NUBPL: variants seen among roughly 807,000 people sequenced by gnomAD.
NUBPL encodes iron-sulfur cluster transfer protein NUBPL.
Under a neutral mutation model 45.7 loss-of-function variants are expected in NUBPL, and 31 were observed. The observed-to-expected ratio is 0.68, with a 90% CI of 0.51 to 0.92. The LOEUF is 0.92. Ranked by LOEUF, NUBPL falls within the 40% of genes least tolerant of loss-of-function variation. The pLI, the probability that NUBPL is intolerant of heterozygous loss-of-function variation, is 0.00. For synonymous variants in NUBPL, 144 were observed against 140.9 expected (o/e 1.02, Z -0.15); for missense variants, 401 against 398.7 (o/e 1.01, Z -0.05).
chr14:31,760,918 A>C (rs2038794053), intron 6 of NUBPL, among the ~76,000 whole-genome samples: 1 of 151,944 alleles, frequency 6.6e-6, no homozygotes, highest in Non-Finnish European at 1.5e-5. Flanking sequence ...GGCACACTCA[A>C]GCTCCTTGGC....
At chr14:31,831,518 T>C (rs61996368) in intron 8 of NUBPL, among the ~76,000 whole-genome samples, 11,373 of 60,450 alleles carry the variant, frequency 0.19, 1,221 homozygotes, top group African/African-American at 0.3. Context: ...CATACCATAC[T>C]ATACTCATAC....
At chr14:31,631,133 GT>G (rs985445585) in intron 4 of NUBPL, among the ~76,000 whole-genome samples, 12 of 152,136 alleles carry the variant, frequency 7.9e-5, no homozygotes, top group African/African-American at 2.6e-4. Context: ...CATCTCACTT[GT>G]TTTTCTTTTT....
intron 4 of NUBPL, among the ~76,000 whole-genome samples, chr14:31,608,546 T>C (rs1392361727): frequency 6.6e-6 from 1 of 151,872 alleles, no homozygotes; most frequent in Non-Finnish European, 1.5e-5. Context: ...AGAGTGAGAC[T>C]GTCTCAAAAA....
At chr14:31,781,965 GT>G (rs1259653264) in intron 6 of NUBPL, among the ~76,000 whole-genome samples, 3 of 151,774 alleles carry the variant, frequency 2.0e-5, no homozygotes, top group African/African-American at 7.3e-5. Context: ...CTTACTATTA[GT>G]TCCTTTTTAT....
intron 6 of NUBPL, among the ~76,000 whole-genome samples, chr14:31,698,746 T>C (rs2037268884): frequency 6.6e-6 from 1 of 152,232 alleles, no homozygotes; most frequent in South Asian, 2.1e-4. Context: ...ATTTCTATAC[T>C]ATTTGCCTTC....
At chr14:31,856,473 C>G (rs2040622138) in intron 10 of NUBPL, among the ~76,000 whole-genome samples, 1 of 152,142 alleles carries the variant, frequency 6.6e-6, no homozygotes, top group Admixed American at 6.5e-5. Context: ...TCATGCCTTC[C>G]CAACAGTCCC....
intron 6 of NUBPL, among the ~76,000 whole-genome samples, chr14:31,769,732 A>T (rs2038975405): frequency 1.3e-5 from 2 of 151,836 alleles, no homozygotes; most frequent in Admixed American, 1.3e-4. Context: ...TTTTCCTTAA[A>T]TCCCTCACAA....
chr14:31,715,485 T>C (rs1566519377), intron 6 of NUBPL, among the ~76,000 whole-genome samples: 1 of 152,248 alleles, frequency 6.6e-6, no homozygotes, highest in South Asian at 2.1e-4. Context: ...AGGCTCTATA[T>C]GGCATAGCCT....
chr14:31,799,506 A>T (rs1179415078), intron 7 of NUBPL, among the ~76,000 whole-genome samples: 1 of 152,146 alleles, frequency 6.6e-6, no homozygotes, highest in East Asian at 1.9e-4. Context: ...ACACCTTGGG[A>T]ATATTACAGG....
intron 3 of NUBPL, among the ~76,000 whole-genome samples, chr14:31,578,968 G>A (rs1470798460): frequency 6.6e-6 from 1 of 152,202 alleles, no homozygotes; most frequent in African/African-American, 2.4e-5. Flanking sequence ...ATTACTGCCT[G>A]TGGCTCTTAA....
At chr14:31,858,981 C>A in intron 10 of NUBPL, 137 bp from the exon 11 acceptor site, 1 of 722,896 alleles carries the variant, frequency 1.4e-6, no homozygotes, top group East Asian at 2.7e-5. Flanking sequence ...ACAGCACTAT[C>A]TTCTCAATAC....
intron 9 of NUBPL, among the ~76,000 whole-genome samples, chr14:31,848,481 T>C (rs1156502145): frequency 1.3e-5 from 2 of 152,216 alleles, no homozygotes; most frequent in Non-Finnish European, 2.9e-5. Context: ...ACGATAGCTC[T>C]TGAGAACCTT....
At chr14:31,605,125 G>A (rs12882018) in intron 4 of NUBPL, among the ~76,000 whole-genome samples, 46,537 of 151,934 alleles carry the variant, frequency 0.31, 7,735 homozygotes, top group South Asian at 0.41. Context: ...CTTCATTTTA[G>A]CTTTCCAAAT....
At chr14:31,633,665 G>A (rs986679996) in intron 4 of NUBPL, among the ~76,000 whole-genome samples, 5 of 152,156 alleles carry the variant, frequency 3.3e-5, no homozygotes, top group African/African-American at 1.2e-4. Flanking sequence ...CACTGAGGGA[G>A]ATTTTGTTGT....
At chr14:31,666,708 T>G (rs1459599482) in intron 4 of NUBPL, among the ~76,000 whole-genome samples, 3 of 152,214 alleles carry the variant, frequency 2.0e-5, no homozygotes, top group African/African-American at 4.8e-5. Context: ...CCTTTCCATA[T>G]TTAGTGCTTC....
chr14:31,834,201 A>ATTT (rs2040237973), intron 8 of NUBPL, among the ~76,000 whole-genome samples: 16 of 28,094 alleles, frequency 5.7e-4, no homozygotes, highest in Non-Finnish European at 6.7e-4. Flanking sequence ...TTTTTTTTTG[A>ATTT]GACAGAGTCT....
At chr14:31,632,159 A>G (rs1035906991) in intron 4 of NUBPL, among the ~76,000 whole-genome samples, 14 of 152,194 alleles carry the variant, frequency 9.2e-5, no homozygotes, top group Admixed American at 5.9e-4. Flanking sequence ...GGGACTATTT[A>G]CAAGATGTGG....
intron 6 of NUBPL, among the ~76,000 whole-genome samples, chr14:31,724,824 C>T (rs1361922708): frequency 6.6e-6 from 1 of 151,986 alleles, no homozygotes; most frequent in African/African-American, 2.4e-5. Context: ...GATTAATGAT[C>T]CATGCTTTGG....
intron 6 of NUBPL, among the ~76,000 whole-genome samples, chr14:31,706,497 G>A (rs1156812046): frequency 6.6e-6 from 1 of 152,212 alleles, no homozygotes; most frequent in Non-Finnish European, 1.5e-5. Context: ...AAGCCATGTT[G>A]CCCAACTCCA....
Sources: gnomAD v4.1 joint callset for allele counts (sites outside exome capture counted in the v4.1 genomes callset) on GRCh38, gnomAD v4.1.1 for gene constraint, MANE v1.5 for transcripts, NCBI Gene and HGNC (gene_info 2026-07-23, HGNC 2026-07-21) for gene names.